MCC: variants seen among roughly 807,000 people sequenced by gnomAD.
The protein encoded by MCC is colorectal mutant cancer protein.
A neutral mutation model predicts 116.2 loss-of-function variants in MCC; 90 were observed. The ratio of observed to expected loss-of-function variants is 0.77; its 90% CI spans 0.65 to 0.92. The LOEUF is 0.92. MCC is among the 40% of genes least tolerant of loss of function. MCC has a pLI of 0.00. For synonymous variants in MCC, 578 were observed against 510.5 expected, an observed-to-expected ratio of 1.13 and a Z score of -1.78; for missense variants, 1,516 against 1,312.2, an observed-to-expected ratio of 1.16 and a Z score of -2.40.
chr5:113,089,066 C>A (rs1053432360), intron 8 of MCC, among the ~76,000 whole-genome samples: 2 of 152,230 alleles, frequency 1.3e-5, no homozygotes, highest in African/African-American at 2.4e-5. Context: ...CATCATTCAG[C>A]ACCCTTCACA....
intron 1 of MCC, among the ~76,000 whole-genome samples, chr5:113,396,317 G>C (rs972539954): frequency 3.9e-5 from 6 of 151,922 alleles, no homozygotes; most frequent in Non-Finnish European, 7.4e-5. Flanking sequence ...GAAAGAATGA[G>C]ACTGTCTCAA....
At position 113,022,150 on chromosome 5, in the gene MCC, T is replaced by C. The variant is rs1750178659; in HGVS notation, c.*5152A>G. Reference sequence around the variant, plus strand: ...TCAGAATATAAGAATGTTTGTAAAATATTATAAATGTCTCTGTATAAATAA... The same window carrying C: ...TCAGAATATAAGAATGTTTGTAAAACATTATAAATGTCTCTGTATAAATAA... On this transcript the variant is annotated 3_prime_UTR_variant, in exon 19 of 19. Coordinates refer to ENST00000408903, the MANE Select transcript of MCC (RefSeq NM_001085377.2). 6.6e-6 allele frequency: 1 copy of C among 152,632 alleles called. No homozygotes were observed. Among genetic ancestry groups the C allele is most frequent in the Non-Finnish European group, 1.5e-5 (1 of 68,036 alleles). The allele number at this position is 152,632 out of a possible 1,614,324, so 9.5% of individuals were successfully genotyped here. A position where few individuals can be genotyped will look rare whatever the true frequency, so the allele number is the denominator to read the frequency against.
rs964102338 is a variant in MCC at position 113,218,446 on chromosome 5, G to A, written c.628-67024C>T. On this transcript the variant is annotated intron_variant, in intron 3 of 18. Transcript: ENST00000408903. ...TCTCCTCCTTGTTCCTGACATTACC[G>A]CCCGCTCAACCAGGAGGGCAGAAGG... 3.9e-5 allele frequency among the ~76,000 whole-genome samples: 6 copies of A among 152,148 alleles called. No individual in the cohort carries two copies. In the East Asian group the frequency reaches 5.8e-4, roughly 15 times the overall value.
intron 3 of MCC, among the ~76,000 whole-genome samples, chr5:113,177,938 C>T (rs182710347): frequency 4.6e-5 from 7 of 152,242 alleles, no homozygotes; most frequent in Non-Finnish European, 8.8e-5. Context: ...TCCTTCTTTT[C>T]GAATTACGAA....
chr5:113,134,788 C>A (rs1162205088), intron 5 of MCC, among the ~76,000 whole-genome samples: 1 of 151,690 alleles, frequency 6.6e-6, no homozygotes, highest in Non-Finnish European at 1.5e-5. Context: ...ATAACTCCCA[C>A]AAGCTTAGCG....
intron 6 of MCC, among the ~76,000 whole-genome samples, chr5:113,110,158 G>A (rs975912035): frequency 1.3e-5 from 2 of 152,274 alleles, no homozygotes; most frequent in African/African-American, 2.4e-5. Flanking sequence ...CCAGGAGACA[G>A]AGAGGAGGCC....
chr5:113,230,774 G>C (rs1256359595), intron 3 of MCC, among the ~76,000 whole-genome samples: 1 of 152,134 alleles, frequency 6.6e-6, no homozygotes, highest in African/African-American at 2.4e-5. Context: ...TGTGAACCTA[G>C]CTACATGACT....
At chr5:113,064,228 G>T in intron 13 of MCC, 61 bp from the exon 14 acceptor site, 1 of 1,473,440 alleles carries the variant, frequency 6.8e-7, no homozygotes, top group Non-Finnish European at 9.2e-7. Flanking sequence ...ACGCCTGGGA[G>T]GGACTATGCA....
chr5:113,409,681 T>C (rs1325376005), intron 1 of MCC, among the ~76,000 whole-genome samples: 1 of 152,142 alleles, frequency 6.6e-6, no homozygotes, highest in Non-Finnish European at 1.5e-5. Flanking sequence ...CATAAACCAT[T>C]AGGATAATTC....
intron 3 of MCC, among the ~76,000 whole-genome samples, chr5:113,157,630 C>T (rs558477373): frequency 1.9e-4 from 29 of 152,312 alleles, no homozygotes; most frequent in Non-Finnish European, 3.1e-4. Context: ...TTAACTTGGT[C>T]TGGCTACTTG....
At chr5:113,395,548 T>TAGC in intron 1 of MCC, among the ~76,000 whole-genome samples, 1 of 152,324 alleles carries the variant, frequency 6.6e-6, no homozygotes, top group East Asian at 1.9e-4. Flanking sequence ...TAATTGACTA[T>TAGC]TCCCCTACCT....
At position 113,384,228 on chromosome 5, in the gene MCC, T is replaced by C. The variant is rs114384853; in HGVS notation, c.415+740A>G. ...TTTCCAACTGCTTATCTTGCACCAG[T>C]AAGAAATATAAACTTATGAACAGAA... On this transcript the variant is annotated intron_variant, in intron 2 of 18. Coordinates refer to ENST00000408903, the MANE Select transcript of MCC (RefSeq NM_001085377.2). Among the ~76,000 whole-genome samples the C allele has an allele frequency of 4.9e-3, 749 of 152,272 alleles. 6 individuals carry two copies. The highest frequency in any genetic ancestry group is 0.017 in the African/African-American group (717 of 41,546).
chr5:113,386,969 G>A (rs1260174307), intron 1 of MCC, among the ~76,000 whole-genome samples: 1 of 152,072 alleles, frequency 6.6e-6, no homozygotes, highest in East Asian at 1.9e-4. Context: ...CAGGGCCAAG[G>A]ACATTCATGG....
intron 3 of MCC, among the ~76,000 whole-genome samples, chr5:113,202,288 C>T (rs760682817): frequency 7.2e-5 from 11 of 151,926 alleles, no homozygotes; most frequent in Admixed American, 2.0e-4. Context: ...GGAGTGCACA[C>T]GGAGCTTCTA....
intron 3 of MCC, among the ~76,000 whole-genome samples, chr5:113,193,386 A>T (rs1330577057): frequency 1.3e-5 from 2 of 152,100 alleles, no homozygotes; most frequent in East Asian, 3.9e-4. Context: ...ATTCAACCCA[A>T]CAGATGTTCT....
chr5:113,354,585 C>T (rs1292814122), intron 2 of MCC, among the ~76,000 whole-genome samples: 4 of 151,784 alleles, frequency 2.6e-5, no homozygotes, highest in African/African-American at 9.7e-5. Flanking sequence ...CAGGCATGCA[C>T]CACCACACCC....
intron 2 of MCC, among the ~76,000 whole-genome samples, chr5:113,364,458 T>C (rs1214778138): frequency 6.6e-6 from 1 of 152,202 alleles, no homozygotes; most frequent in African/African-American, 2.4e-5. Context: ...CCCCTGTGGC[T>C]ACTTTCATGG....
At chr5:113,415,840 A>G (rs1770129373) in intron 1 of MCC, among the ~76,000 whole-genome samples, 1 of 152,074 alleles carries the variant, frequency 6.6e-6, no homozygotes, top group African/African-American at 2.4e-5. Context: ...CCTTTGGAGG[A>G]GAAAAGGCGC....
chr5:113,333,842 T>TGTAC (rs1767788855), intron 3 of MCC, among the ~76,000 whole-genome samples: 2 of 127,782 alleles, frequency 1.6e-5, no homozygotes, highest in Non-Finnish European at 3.2e-5. Flanking sequence ...TATGTATATA[T>TGTAC]GTATATATGT....
Sources: gnomAD v4.1 joint callset for allele counts (sites outside exome capture counted in the v4.1 genomes callset) on GRCh38, gnomAD v4.1.1 for gene constraint, MANE v1.5 for transcripts, NCBI Gene and HGNC (gene_info 2026-07-23, HGNC 2026-07-21) for gene names.